Variants in SYNE1 observed in about 807,000 individuals in gnomAD.
The protein encoded by SYNE1 is nesprin-1.
In SYNE1, 616 loss-of-function variants were observed where a neutral mutation model predicts 1,111.0. That is an observed-to-expected ratio of 0.55 (90% confidence interval 0.52 to 0.59). The LOEUF (loss-of-function observed/expected upper bound fraction) is 0.59, where lower values mean the gene tolerates loss of function less well. Among genes scored for constraint, SYNE1 ranks in the 20% least tolerant of loss-of-function variants. The pLI is 0.00. For synonymous variants in SYNE1, 3,855 were observed against 3,825.8 expected, an observed-to-expected ratio of 1.01 and a Z score of -0.28; for missense variants, 10,006 against 10,417.0, an observed-to-expected ratio of 0.96 and a Z score of 1.72.
At chr6:152,204,507 A>G (rs2076136443) in intron 126 of SYNE1, among the ~76,000 whole-genome samples, 1 of 152,220 alleles carries the variant, frequency 6.6e-6, no homozygotes, top group Non-Finnish European at 1.5e-5. Context: ...TGGCATACTT[A>G]CTAACAGTAT....
chr6:152,434,073 C>A, intron 33 of SYNE1, 128 bp from the exon 34 acceptor site: 3 of 887,530 alleles, frequency 3.4e-6, no homozygotes, highest in Non-Finnish European at 3.4e-6. Flanking sequence ...TGAAACTATT[C>A]ACGCTAAAAA....
chr6:152,586,634 C>G (rs374040419), intron 3 of SYNE1, among the ~76,000 whole-genome samples: 206 of 142,812 alleles, frequency 1.4e-3, no homozygotes, highest in South Asian at 3.4e-3. Context: ...CTGATGCTGG[C>G]TATATACAAA....
chr6:152,271,074 C>G (rs528031803), intron 98 of SYNE1, among the ~76,000 whole-genome samples: 6 of 152,214 alleles, frequency 3.9e-5, no homozygotes, highest in African/African-American at 1.4e-4. Context: ...CTCGCCTGCC[C>G]CTGGTTGTTC....
At chr6:152,396,754 A>C in intron 50 of SYNE1, 21 bp downstream of exon 50, 7 of 1,608,348 alleles carry the variant, frequency 4.4e-6, no homozygotes, top group Non-Finnish European at 6.0e-6. Context: ...GATGAAATCT[A>C]TGTTTGTTAA....
At position 152,353,640 on chromosome 6, in the gene SYNE1, G is replaced by A. The variant is rs2096781049; in HGVS notation, c.11031C>T (p.Cys3677=). 3 of 1,614,036 alleles carry A rather than the reference G, an allele frequency of 1.9e-6. No individual in the cohort carries two copies. In the African/African-American group the frequency reaches 4.0e-5, roughly 22 times the overall value. The change falls in exon 68 of 146, where the codon TGC becomes TGT. Residue 3677 remains cysteine (C), a synonymous_variant. Coordinates refer to ENST00000367255, the MANE Select transcript of SYNE1 (RefSeq NM_182961.4). Reference sequence around the variant, plus strand: ...ATCTGGAAGTCAGCTGGGTGGCCTGGCAACCCATTCTGCTGTTCACGTGGC... The same window carrying A: ...ATCTGGAAGTCAGCTGGGTGGCCTGACAACCCATTCTGCTGTTCACGTGGC... ...DESHVNSRMG[C]QATQLTSRYQ... is the part of the protein sequence containing the mutation.
intron 3 of SYNE1, among the ~76,000 whole-genome samples, chr6:152,616,873 C>G (rs144893645): frequency 6.6e-6 from 1 of 152,152 alleles, no homozygotes; most frequent in Non-Finnish European, 1.5e-5. Flanking sequence ...TCTGATGGGC[C>G]CTGCACACAG....
chr6:152,206,002 G>A (rs1233482636), intron 126 of SYNE1, among the ~76,000 whole-genome samples, 166 bp downstream of exon 126: 1 of 152,240 alleles, frequency 6.6e-6, no homozygotes, highest in Non-Finnish European at 1.5e-5. Flanking sequence ...AACTTTTCCA[G>A]TTTGTGCAAG....
chr6:152,592,694 C>T (rs146443548), intron 3 of SYNE1, among the ~76,000 whole-genome samples: 15 of 152,310 alleles, frequency 9.8e-5, no homozygotes, highest in South Asian at 2.1e-4. Flanking sequence ...CACAGGTACC[C>T]TCTGTATCTA....
In SYNE1 at chr6:152,260,985, G is replaced by A. The variant is rs184980129; in HGVS notation, c.18972+1047C>T. Among the ~76,000 whole-genome samples, 14 of 152,224 alleles carry A rather than the reference G, an allele frequency of 9.2e-5. No individual in the cohort carries two copies. The East Asian group carries it at 2.5e-3, about 27-fold the overall frequency. ...CTGGGGGTTGGGAAGCCCTGCTTTAGACCATCTCCTTCCATTTAACTCTGG... is the reference window on the plus strand; with the variant it reads ...CTGGGGGTTGGGAAGCCCTGCTTTAAACCATCTCCTTCCATTTAACTCTGG... On this transcript the variant is annotated intron_variant, in intron 101 of 145. Coordinates refer to ENST00000367255, the MANE Select transcript of SYNE1 (RefSeq NM_182961.4).
chr6:152,342,514 C>A (rs1441746664), intron 74 of SYNE1, among the ~76,000 whole-genome samples: 3 of 152,168 alleles, frequency 2.0e-5, no homozygotes, highest in Non-Finnish European at 4.4e-5. Flanking sequence ...CATTGAATGA[C>A]AATGTAAATC....
In SYNE1 at chr6:152,122,368, G is replaced by T; in HGVS notation, c.*68C>A. On this transcript the variant is annotated 3_prime_UTR_variant, in exon 146 of 146. Coordinates refer to ENST00000367255, the MANE Select transcript of SYNE1 (RefSeq NM_182961.4). The stretch of plus-strand genomic sequence containing the variant: ...CAAGATCAAGGTCCTCTTGTTGGTA[G>T]TTTGGGATTGCTTATGACCCGATCC... 6.2e-7 allele frequency: 1 copy of T among 1,612,324 alleles called. No individual in the cohort carries two copies. Among genetic ancestry groups the T allele is most frequent in the Non-Finnish European group, 8.5e-7 (1 of 1,179,792 alleles).
At chr6:152,408,939 A>T (rs1351491068) in intron 44 of SYNE1, 129 bp downstream of exon 44, 2 of 925,896 alleles carry the variant, frequency 2.2e-6, no homozygotes. Flanking sequence ...GGGCAACAAG[A>T]GTGAAACTCT....
intron 25 of SYNE1, among the ~76,000 whole-genome samples, chr6:152,452,581 T>C (rs1370658887): frequency 6.6e-6 from 1 of 152,218 alleles, no homozygotes; most frequent in Admixed American, 6.5e-5. Context: ...GGAGAGAGTT[T>C]CAGCTGCCAA....
At chr6:152,189,018 T>TAA (rs2071396242) in intron 128 of SYNE1, among the ~76,000 whole-genome samples, 7 of 98,284 alleles carry the variant, frequency 7.1e-5, no homozygotes, top group African/African-American at 2.8e-4. Context: ...TATATATATA[T>TAA]AAAATGCCAG....
In SYNE1 at chr6:152,334,164, T is replaced by C. The variant is rs1032510868; in HGVS notation, c.12638A>G (p.His4213Arg). The stretch of plus-strand genomic sequence containing the variant: ...CAAATCGAGCCACTGATCATTTAAA[T>C]GATTTATTTCCTTGTGTTCAGGCGA... ...EESPEHKEINHLNDQWLDLCR... is the reference protein window; with the variant it reads ...EESPEHKEINRLNDQWLDLCR... Residue 4213 changes from histidine to arginine, a missense_variant, in exon 77 of 146, where the codon CAT (histidine) becomes CGT (arginine). Physicochemically the swap from His to Arg is conservative, Grantham distance 29. Around this residue, in one of 7 missense-constraint regions of SYNE1, gnomAD observed 4,955 missense variants for 5,017.2 expected, o/e 0.99. Coordinates refer to ENST00000367255, the MANE Select transcript of SYNE1 (RefSeq NM_182961.4). 3 of 1,614,188 alleles carry C rather than the reference T, an allele frequency of 1.9e-6. No individual in the cohort carries two copies. The Admixed American group carries it at 5.0e-5, about 27-fold the overall frequency.
rs1257627603 is a variant in SYNE1 at position 152,332,012 on chromosome 6, C to T, written c.12795-122G>A. ...GGAGACTGAGTTTTGCTCTTGTTTCCCAGGCTGGAGTGCAATGAATGCTCT... is the reference window on the plus strand; with the variant it reads ...GGAGACTGAGTTTTGCTCTTGTTTCTCAGGCTGGAGTGCAATGAATGCTCT... On this transcript the variant is annotated intron_variant, in intron 77 of 145. Transcript: ENST00000367255. The T allele has an allele frequency of 2.1e-6, 3 of 1,442,070 alleles. No individual in the cohort carries two copies. In the African/African-American group the frequency reaches 4.2e-5, roughly 20 times the overall value. The allele number at this position is 1,442,070 out of a possible 1,614,324, so 89.3% of individuals were successfully genotyped here. A position where few individuals can be genotyped will look rare whatever the true frequency, so the allele number is the denominator to read the frequency against.
intron 22 of SYNE1, among the ~76,000 whole-genome samples, chr6:152,458,082 C>T (rs764334114): frequency 7.2e-5 from 11 of 151,914 alleles, no homozygotes; most frequent in African/African-American, 1.9e-4. Context: ...CTAGGGATCA[C>T]GTTTCATGAA....
chr6:152,511,695 G>T, intron 6 of SYNE1: 1 of 1,160,654 alleles, frequency 8.6e-7, no homozygotes, highest in Non-Finnish European at 1.3e-6. Flanking sequence ...AGTCAGTTTA[G>T]AACCTGACTG....
At chr6:152,299,596 G>A (rs966386302) in intron 93 of SYNE1, among the ~76,000 whole-genome samples, 1 of 152,082 alleles carries the variant, frequency 6.6e-6, no homozygotes, top group African/African-American at 2.4e-5. Context: ...TTGACAAATG[G>A]ATGAGTTGAT....
Sources: allele counts gnomAD v4.1 joint callset (sites outside exome capture counted in the v4.1 genomes callset), GRCh38; gene constraint gnomAD v4.1.1; regional missense constraint gnomAD v4.1.1; transcripts MANE v1.5; gene names NCBI Gene and HGNC (gene_info 2026-07-23, HGNC 2026-07-21).